Variants in ERG observed in about 807,000 individuals in gnomAD.
ERG encodes the protein ETS transcription factor ERG, also known as transcriptional regulator ERG.
In ERG, 9 loss-of-function variants were observed where a neutral mutation model predicts 55.3. The ratio of observed to expected loss-of-function variants is 0.16; its 90% CI spans 0.10 to 0.28. The LOEUF (loss-of-function observed/expected upper bound fraction) is 0.28, where lower values mean the gene tolerates loss of function less well. ERG is among the 10% of genes least tolerant of loss of function. The pLI, the probability that ERG is intolerant of heterozygous loss-of-function variation, is 1.00. For synonymous variants in ERG, 223 were observed against 237.3 expected (o/e 0.94, Z 0.55); for missense variants, 434 against 631.6 (o/e 0.69, Z 3.35).
chr21:38,633,650 TG>T (rs2060370615), intron 1 of ERG, among the ~76,000 whole-genome samples: 1 of 152,228 alleles, frequency 6.6e-6, no homozygotes, highest in Non-Finnish European at 1.5e-5. Context: ...CTCAATTTTC[TG>T]TGTTTTCTGA....
chr21:38,420,451 G>T (rs1417860891), intron 3 of ERG, among the ~76,000 whole-genome samples: 1 of 152,172 alleles, frequency 6.6e-6, no homozygotes, highest in Non-Finnish European at 1.5e-5. Flanking sequence ...CTACACTGGC[G>T]TGAAGCAACT....
chr21:38,379,350 G>A (rs1164129276), downstream of ERG, among the ~76,000 whole-genome samples: 1 of 152,156 alleles, frequency 6.6e-6, no homozygotes, highest in African/African-American at 2.4e-5. Flanking sequence ...GTACTGTTTG[G>A]CTGTGCTTAT....
At chr21:38,373,410 T>C in the ERG span, among the ~76,000 whole-genome samples, 7 of 152,236 alleles carry the variant, frequency 4.6e-5, no homozygotes, top group African/African-American at 9.6e-5. Context: ...TGCTGAGACG[T>C]AAGATCTGGT....
At chr21:38,592,571 CTG>C (rs56195027) in intron 1 of ERG, among the ~76,000 whole-genome samples, 2,749 of 148,066 alleles carry the variant, frequency 0.019, 51 homozygotes, top group African/African-American at 0.044. Context: ...TCTCCCTTCA[CTG>C]TGTGTGTGTG....
At chr21:38,425,421 G>A (rs1360745545) in intron 2 of ERG, among the ~76,000 whole-genome samples, 1 of 151,736 alleles carries the variant, frequency 6.6e-6, no homozygotes, top group Non-Finnish European at 1.5e-5. Flanking sequence ...GAAAGAGAGA[G>A]AGAAAGAGAG....
intron 2 of ERG, among the ~76,000 whole-genome samples, chr21:38,551,232 T>C (rs1288543797): frequency 6.6e-6 from 1 of 152,030 alleles, no homozygotes; most frequent in East Asian, 1.9e-4. Flanking sequence ...TTGGATCTTC[T>C]CTCTTTTTTC....
At chr21:38,418,571 G>A (rs1989389424) in intron 3 of ERG, among the ~76,000 whole-genome samples, 1 of 151,734 alleles carries the variant, frequency 6.6e-6, no homozygotes, top group African/African-American at 2.4e-5. Context: ...CAGGAAATGT[G>A]TATTTTTAAT....
upstream of ERG, among the ~76,000 whole-genome samples, chr21:38,500,773 A>G (rs940292207): frequency 1.3e-5 from 2 of 152,208 alleles, no homozygotes; most frequent in African/African-American, 2.4e-5. Flanking sequence ...TCAATATTCG[A>G]TCCATAAGTT....
chr21:38,442,211 T>G (rs1439366676), intron 2 of ERG, among the ~76,000 whole-genome samples: 2 of 152,080 alleles, frequency 1.3e-5, no homozygotes, highest in African/African-American at 4.8e-5. Flanking sequence ...CTGGCCAACA[T>G]GGTGAAACCC....
chr21:38,564,082 G>GAAA (rs763523130), intron 2 of ERG, among the ~76,000 whole-genome samples: 1 of 144,840 alleles, frequency 6.9e-6, no homozygotes, highest in African/African-American at 2.5e-5. Flanking sequence ...GGGACTAAGA[G>GAAA]AAAAAAAAAA....
chr21:38,465,493 A>G (rs1314048410), intron 1 of ERG, among the ~76,000 whole-genome samples: 1 of 152,202 alleles, frequency 6.6e-6, no homozygotes, highest in Non-Finnish European at 1.5e-5. Flanking sequence ...GTAAATATAC[A>G]TTTGTCCAAA....
At chr21:38,375,239 T>C (rs1251750519), downstream of ERG, among the ~76,000 whole-genome samples, 1 of 152,212 alleles carries the variant, frequency 6.6e-6, no homozygotes, top group Non-Finnish European at 1.5e-5. Context: ...AAACCCACCA[T>C]GAGGAGCCAC....
chr21:38,642,025 T>G (rs183386088), intron 1 of ERG, among the ~76,000 whole-genome samples: 6 of 152,216 alleles, frequency 3.9e-5, no homozygotes, highest in African/African-American at 1.4e-4. Context: ...GCCTGAATAC[T>G]CAACAGAAGA....
intron 2 of ERG, among the ~76,000 whole-genome samples, chr21:38,550,103 C>A (rs1392999142): frequency 2.0e-5 from 3 of 152,158 alleles, no homozygotes; most frequent in Non-Finnish European, 2.9e-5. Flanking sequence ...GGTTCTACGC[C>A]CGGTGGTGGG....
At chr21:38,605,997 G>T (rs1263925242) in intron 1 of ERG, among the ~76,000 whole-genome samples, 2 of 152,058 alleles carry the variant, frequency 1.3e-5, no homozygotes, top group African/African-American at 2.4e-5. Flanking sequence ...TAGATACATA[G>T]ATGATTGATA....
chr21:38,408,557 A>G (rs1204645789), intron 3 of ERG, among the ~76,000 whole-genome samples: 4 of 152,172 alleles, frequency 2.6e-5, no homozygotes, highest in Non-Finnish European at 5.9e-5. Context: ...TGGCCAGGCA[A>G]TGATGCTGCA....
In ERG at chr21:38,525,213, G is replaced by C. The variant is rs1222149234; in HGVS notation, c.-41+50449C>G. Among the ~76,000 whole-genome samples, 3 of 152,216 alleles carry C rather than the reference G, an allele frequency of 2.0e-5. No individual in the cohort carries two copies. In the East Asian group the frequency reaches 5.8e-4, roughly 29 times the overall value. ...TCTCAAGCCCCTCCCTACTGGTGTGGTGTGAAGATCACACGTGGTGTAGCT... is the reference window on the plus strand; with the variant it reads ...TCTCAAGCCCCTCCCTACTGGTGTGCTGTGAAGATCACACGTGGTGTAGCT... On this transcript the variant is annotated intron_variant, in intron 2 of 8. Transcript: ENST00000398897.
chr21:38,497,689 T>C (rs770156990), intron 1 of ERG, among the ~76,000 whole-genome samples: 38 of 152,316 alleles, frequency 2.5e-4, no homozygotes, highest in Admixed American at 2.0e-4. Flanking sequence ...CGACCGGCCA[T>C]TGCTTTCCAA....
intron 1 of ERG, chr21:38,660,399 G>GGC (rs1568978807): frequency 6.6e-6 from 1 of 152,426 alleles, no homozygotes; most frequent in Non-Finnish European, 1.5e-5. Flanking sequence ...CACCTGTCCC[G>GGC]GCGCCGTCGG....
Sources: allele counts gnomAD v4.1 joint callset (sites outside exome capture counted in the v4.1 genomes callset), GRCh38; gene constraint gnomAD v4.1.1; transcripts MANE v1.5; gene names NCBI Gene and HGNC (gene_info 2026-07-23, HGNC 2026-07-21).